DYNC2I2: variants seen among roughly 807,000 people sequenced by gnomAD.
DYNC2I2 encodes dynein 2 intermediate chain 2.
A neutral mutation model predicts 52.0 loss-of-function variants in DYNC2I2; 39 were observed. That is an observed-to-expected ratio of 0.75 (90% CI 0.58 to 0.98). DYNC2I2 has a LOEUF of 0.98. Among genes scored for constraint, DYNC2I2 ranks in the 50% least tolerant of loss-of-function variants. The pLI is 0.00. For synonymous variants in DYNC2I2, 359 were observed against 321.1 expected (o/e 1.12, Z -1.26); for missense variants, 743 against 728.4 (o/e 1.02, Z -0.23).
chr9:128,661,262 C>T (rs1202021030), upstream of DYNC2I2, among the ~76,000 whole-genome samples: 3 of 147,356 alleles, frequency 2.0e-5, no homozygotes, highest in Admixed American at 6.8e-5. Flanking sequence ...GAATTGCTAC[C>T]CCACTGCACT....
the DYNC2I2 span, among the ~76,000 whole-genome samples, chr9:128,666,554 G>T: frequency 5.9e-5 from 9 of 151,738 alleles, no homozygotes; most frequent in Admixed American, 1.3e-4. Context: ...TTGAGGTCAA[G>T]AGTTCAAGAC....
the DYNC2I2 span, chr9:128,683,503 A>T: frequency 4.2e-6 from 1 of 237,974 alleles, no homozygotes; most frequent in African/African-American, 2.2e-5. Flanking sequence ...AAAAAAGAGG[A>T]TAAGTTCTCA....
chr9:128,656,112 C>G (rs988723675), intron 1 of DYNC2I2, among the ~76,000 whole-genome samples: 8 of 141,808 alleles, frequency 5.6e-5, no homozygotes, highest in African/African-American at 1.8e-4. Flanking sequence ...TCTGGATGCG[C>G]AGGTGGGAGG....
rs763634588 is a variant in DYNC2I2 at position 128,634,701 on chromosome 9, G to A, written c.1202C>T (p.Ser401Phe). 1 of 1,570,416 alleles carries A rather than the reference G, an allele frequency of 6.4e-7. No individual in the cohort carries two copies. Among genetic ancestry groups the A allele is most frequent in the South Asian group, 1.2e-5 (1 of 85,396 alleles). ...CTGCCCTACGTACCTGTGGAAGGGG[G>A]AACAGCTCACAGAGTAGATGGGACC... ...HGGPIYSVSC[S>F]PFHRNLFLSA... Residue 401 changes from serine (S) to phenylalanine (F), a missense_variant, in exon 7 of 9, where the codon TCC (serine) becomes TTC (phenylalanine). Ser to Phe is a radical substitution (Grantham distance 155). Transcript: ENST00000372715.
At chr9:128,654,574 T>C (rs1860781103) in intron 1 of DYNC2I2, among the ~76,000 whole-genome samples, 1 of 151,960 alleles carries the variant, frequency 6.6e-6, no homozygotes, top group African/African-American at 2.4e-5. Flanking sequence ...TTTCCCCCTG[T>C]AAAGTTAGGG....
intron 1 of DYNC2I2, among the ~76,000 whole-genome samples, chr9:128,648,746 G>A (rs111976135): frequency 7.6e-4 from 115 of 150,964 alleles, no homozygotes; most frequent in African/African-American, 2.5e-3. Flanking sequence ...GTTGCAGTAA[G>A]CCAAGATCGT....
intron 1 of DYNC2I2, among the ~76,000 whole-genome samples, chr9:128,642,610 A>C (rs866193782): frequency 2.6e-5 from 4 of 151,890 alleles, no homozygotes; most frequent in Non-Finnish European, 4.4e-5. Flanking sequence ...CTCTACTAAA[A>C]ATACAAAAAA....
At chr9:128,681,825 G>A in the DYNC2I2 span, among the ~76,000 whole-genome samples, 1 of 152,162 alleles carries the variant, frequency 6.6e-6, no homozygotes, top group Admixed American at 6.6e-5. Flanking sequence ...TGTAATCCCA[G>A]CACTTTGGAG....
chr9:128,648,906 G>C (rs1050165628), intron 1 of DYNC2I2, among the ~76,000 whole-genome samples: 2 of 152,078 alleles, frequency 1.3e-5, no homozygotes, highest in Admixed American at 1.3e-4. Flanking sequence ...TCAATTCTGA[G>C]GAGGGATGCA....
chr9:128,633,707 G>C lies in DYNC2I2; in HGVS notation c.*37C>G, dbSNP rs369081760. 1.5e-5 allele frequency: 23 copies of C among 1,578,038 alleles called. No homozygotes were observed. The highest frequency in any genetic ancestry group is 1.9e-5 in the Non-Finnish European group (22 of 1,160,642). On this transcript the variant is annotated 3_prime_UTR_variant, in exon 9 of 9. Coordinates refer to ENST00000372715, the MANE Select transcript of DYNC2I2 (RefSeq NM_052844.4). ...GGCTTGCGTCAGAAACACAAGGCTC[G>C]GCACAGCGAAGGCTTGCACCCGCCT... is the stretch of plus-strand genomic sequence containing the variant.
At chr9:128,640,479 A>T (rs1860491960) in intron 2 of DYNC2I2, among the ~76,000 whole-genome samples, 1 of 152,188 alleles carries the variant, frequency 6.6e-6, no homozygotes, top group South Asian at 2.1e-4. Context: ...CTAACTGTAA[A>T]GTGGACAGAA....
upstream of DYNC2I2, among the ~76,000 whole-genome samples, chr9:128,658,150 G>A (rs527279405): frequency 6.6e-6 from 1 of 151,598 alleles, no homozygotes; most frequent in Non-Finnish European, 1.5e-5. Flanking sequence ...AAATGATCTG[G>A]GAAGGATAGA....
At chr9:128,681,939 G>A in the DYNC2I2 span, among the ~76,000 whole-genome samples, 1 of 152,222 alleles carries the variant, frequency 6.6e-6, no homozygotes. Context: ...CACGCCTAGT[G>A]GCGGTGCCTG....
chr9:128,648,812 A>AAAG (rs1554772565), intron 1 of DYNC2I2, among the ~76,000 whole-genome samples: 2 of 149,532 alleles, frequency 1.3e-5, no homozygotes. Context: ...AAAAAAAAAA[A>AAAG]AGAGAGAGAG....
intron 1 of DYNC2I2, chr9:128,651,233 T>C (rs1860708583): frequency 1.7e-5 from 1 of 60,178 alleles, no homozygotes; most frequent in Non-Finnish European, 7.1e-5. Flanking sequence ...ATGTCTAAGC[T>C]TCAAAACTAC....
rs1308508874 is a variant in DYNC2I2, at chr9:128,656,667, C to G, written c.60G>C (p.Ala20=). 4 of 1,510,296 alleles carry G rather than the reference C, an allele frequency of 2.6e-6. No homozygotes were observed. The East Asian group carries it at 8.1e-5, about 30-fold the overall frequency. The allele number at this position is 1,510,296 out of a possible 1,614,324, so 93.6% of individuals were successfully genotyped here. The change falls in exon 1 of 9, where the codon GCG becomes GCC. Residue 20 remains alanine (A), a synonymous_variant. Transcript: ENST00000372715. The part of the protein sequence containing the change: ...LSQAGSAGVA[A]LATVGVASGP... ...CGCTCGCAACCCCGACTGTCGCCAG[C>G]GCCGCAACACCAGCGCTTCCCGCCT...
At chr9:128,660,275 A>T (rs1860902868), upstream of DYNC2I2, among the ~76,000 whole-genome samples, 2 of 150,256 alleles carry the variant, frequency 1.3e-5, no homozygotes, top group African/African-American at 2.4e-5. Flanking sequence ...CCCCCAGCTA[A>T]GTTTTTTTGT....
intron 1 of DYNC2I2, among the ~76,000 whole-genome samples, chr9:128,654,616 G>C (rs895782721): frequency 6.6e-6 from 1 of 152,050 alleles, no homozygotes; most frequent in Non-Finnish European, 1.5e-5. Flanking sequence ...GGAACACAGT[G>C]GTGCAATCAT....
the DYNC2I2 span, among the ~76,000 whole-genome samples, chr9:128,665,815 G>A: frequency 7.5e-5 from 11 of 146,230 alleles, no homozygotes; most frequent in African/African-American, 2.5e-4. Flanking sequence ...GCTCACGCCT[G>A]TAATTCCAAC....
Sources: gnomAD v4.1 joint callset for allele counts (sites outside exome capture counted in the v4.1 genomes callset) on GRCh38, gnomAD v4.1.1 for gene constraint, MANE v1.5 for transcripts, NCBI Gene and HGNC (gene_info 2026-07-23, HGNC 2026-07-21) for gene names.